The following DYNC1I1 variants were observed in gnomAD, a reference collection of about 807,000 sequenced individuals.
DYNC1I1 encodes the protein cytoplasmic dynein 1 intermediate chain 1.
DYNC1I1 carries 43 observed loss-of-function variants against 86.6 expected under a neutral mutation model. The ratio of observed to expected loss-of-function variants is 0.50; its 90% CI spans 0.39 to 0.64. The LOEUF is 0.64. Ranked by LOEUF, DYNC1I1 falls within the 30% of genes least tolerant of loss-of-function variation. The pLI is 0.00. For missense variants in DYNC1I1, 604 were observed against 788.8 expected (o/e 0.77, Z 2.81); for synonymous variants, 262 against 283.7 (o/e 0.92, Z 0.77).
At chr7:96,021,722 T>A (rs1362389692) in intron 10 of DYNC1I1, among the ~76,000 whole-genome samples, 1 of 152,200 alleles carries the variant, frequency 6.6e-6, no homozygotes, top group African/African-American at 2.4e-5. Context: ...ACTCAATGGA[T>A]TTGCCTATTC....
chr7:96,040,310 A>G (rs1216037165), intron 14 of DYNC1I1, among the ~76,000 whole-genome samples: 2 of 152,200 alleles, frequency 1.3e-5, no homozygotes, highest in East Asian at 3.9e-4. Flanking sequence ...GCAAGAAGAA[A>G]AGCTGAGACC....
chr7:95,984,927 T>G lies in DYNC1I1; in HGVS notation c.693T>G (p.Asp231Glu). The change falls in exon 8 of 17, where the codon GAT becomes GAG. Residue 231 changes from aspartate to glutamate, a missense_variant. Asp to Glu is a conservative substitution (Grantham distance 45, BLOSUM62 2). Coordinates refer to ENST00000447467, the MANE Select transcript of DYNC1I1 (RefSeq NM_001135556.2). ...IRVIERALAEDSDIFFDYSGR... is the reference protein window; with the variant it reads ...IRVIERALAEESDIFFDYSGR... ...TAATTGAAAGAGCCCTGGCTGAAGATTCCGACATCTTTTTTGACTACAGCG... is the reference window on the plus strand; with the variant it reads ...TAATTGAAAGAGCCCTGGCTGAAGAGTCCGACATCTTTTTTGACTACAGCG... 8.1e-6 allele frequency: 13 copies of G among 1,613,662 alleles called. No individual in the cohort carries two copies. Among genetic ancestry groups the G allele is most frequent in the Non-Finnish European group, 1.1e-5 (13 of 1,179,732 alleles).
intron 1 of DYNC1I1, among the ~76,000 whole-genome samples, chr7:95,781,552 G>A (rs1414440576): frequency 6.6e-6 from 1 of 152,144 alleles, no homozygotes; most frequent in Admixed American, 6.6e-5. Flanking sequence ...CCCTGACTGA[G>A]CCATTTTTCT....
At chr7:96,008,059 G>A (rs1794185444) in intron 10 of DYNC1I1, among the ~76,000 whole-genome samples, 1 of 152,190 alleles carries the variant, frequency 6.6e-6, no homozygotes, top group Non-Finnish European at 1.5e-5. Flanking sequence ...CTGATCTGAC[G>A]AGGGTGGGAT....
rs1029333730 is a variant in DYNC1I1 at position 95,977,585 on chromosome 7, A to G, written c.564A>G (p.Lys188=). The G allele has an allele frequency of 1.2e-6, 2 of 1,613,182 alleles. No individual in the cohort carries two copies. The highest frequency in any genetic ancestry group is 3.3e-5 in the Admixed American group (2 of 59,908). The change falls in exon 7 of 17, where the codon AAA becomes AAG. Residue 188 remains lysine, a synonymous_variant. Coordinates refer to ENST00000447467, the MANE Select transcript of DYNC1I1 (RefSeq NM_001135556.2). Reference sequence around the variant, plus strand: ...CAGAACTGGAAAATCAGGACAAAAAACAGGAAGTGAAGGAAGGTATGATAT... The same window carrying G: ...CAGAACTGGAAAATCAGGACAAAAAGCAGGAAGTGAAGGAAGGTATGATAT... The part of the protein sequence containing the change: ...QDSELENQDK[K]QEVKEAPPRE...
intron 10 of DYNC1I1, among the ~76,000 whole-genome samples, chr7:96,018,763 C>T (rs891199283): frequency 6.6e-6 from 1 of 152,178 alleles, no homozygotes; most frequent in East Asian, 1.9e-4. Flanking sequence ...GAATGGTATT[C>T]TAGCAGAGGG....
intron 5 of DYNC1I1, 41 bp downstream of exon 5, chr7:95,828,157 T>A: frequency 6.2e-7 from 1 of 1,608,660 alleles, no homozygotes; most frequent in Non-Finnish European, 8.5e-7. Flanking sequence ...ATTATTTCTT[T>A]GCTACAGTTG....
At chr7:95,813,444 G>A (rs907930682) in intron 4 of DYNC1I1, 107 bp downstream of exon 4, 3 of 1,353,056 alleles carry the variant, frequency 2.2e-6, no homozygotes, top group African/African-American at 3.0e-5. Context: ...GTATCTGCAT[G>A]TGTACTTGGA....
chr7:96,051,408 A>G (rs1362476994), intron 14 of DYNC1I1, among the ~76,000 whole-genome samples: 2 of 152,216 alleles, frequency 1.3e-5, no homozygotes, highest in South Asian at 4.1e-4. Context: ...CTGATCAGGT[A>G]TATGGCCTAA....
chr7:96,036,420 G>A (rs1244471604), intron 13 of DYNC1I1, among the ~76,000 whole-genome samples: 1 of 152,156 alleles, frequency 6.6e-6, no homozygotes, highest in Non-Finnish European at 1.5e-5. Flanking sequence ...ATATAGTTTA[G>A]GATGGTAAGT....
chr7:95,962,108 G>C (rs1008059344), intron 6 of DYNC1I1, among the ~76,000 whole-genome samples: 7 of 152,192 alleles, frequency 4.6e-5, no homozygotes, highest in Non-Finnish European at 4.4e-5. Flanking sequence ...CCTTTAAAGA[G>C]AGAAGCGTGA....
At chr7:96,100,851 T>C (rs1791125106), downstream of DYNC1I1, among the ~76,000 whole-genome samples, 1 of 152,064 alleles carries the variant, frequency 6.6e-6, no homozygotes, top group African/African-American at 2.4e-5. Flanking sequence ...ATGGGTATGT[T>C]AGAATAGATA....
intron 4 of DYNC1I1, among the ~76,000 whole-genome samples, chr7:95,813,876 T>C (rs986118907): frequency 2.0e-5 from 3 of 152,166 alleles, no homozygotes; most frequent in Admixed American, 2.0e-4. Context: ...GTTTAGTGAG[T>C]TCATTGCCAA....
intron 6 of DYNC1I1, among the ~76,000 whole-genome samples, chr7:95,887,563 A>G (rs1195284276): frequency 1.3e-5 from 2 of 152,118 alleles, no homozygotes; most frequent in Non-Finnish European, 2.9e-5. Context: ...TAGCATTTAT[A>G]TTTCCTATCA....
At chr7:95,914,614 A>G (rs538679535) in intron 6 of DYNC1I1, among the ~76,000 whole-genome samples, 1 of 152,348 alleles carries the variant, frequency 6.6e-6, no homozygotes, top group East Asian at 1.9e-4. Flanking sequence ...TGAAAATATC[A>G]TATGGTCAAA....
intron 7 of DYNC1I1, among the ~76,000 whole-genome samples, chr7:95,980,536 CTTTTTT>C (rs56835338): frequency 5.5e-5 from 3 of 54,428 alleles, no homozygotes; most frequent in Admixed American, 2.1e-4. Flanking sequence ...AGAAATCTGG[CTTTTTT>C]TTTTTTTTTT....
At position 95,823,952 on chromosome 7, in the gene DYNC1I1, C is replaced by CTATATATATATATATATATA. The variant is rs71127429; in HGVS notation, c.315-4097_315-4078dup. On this transcript the variant is annotated intron_variant, in intron 4 of 16. Coordinates refer to ENST00000447467, the MANE Select transcript of DYNC1I1 (RefSeq NM_001135556.2). ...TTACTTTCAGATTTGTTCTACTAAACTATATATATATATATATATATATAT... is the reference window on the plus strand; with the variant it reads ...TTACTTTCAGATTTGTTCTACTAAACTATATATATATATATATATATATATATATATATATATATATATAT... Among the ~76,000 whole-genome samples, 88 of 77,846 alleles carry CTATATATATATATATATATA rather than the reference C, an allele frequency of 1.1e-3. 1 individual carries two copies. The highest frequency in any genetic ancestry group is 2.9e-3 in the African/African-American group (44 of 15,100). The allele number at this position is 77,846 out of a possible 152,430, so 51.1% of individuals were successfully genotyped here.
chr7:95,816,937 C>A (rs1315089067), intron 4 of DYNC1I1, among the ~76,000 whole-genome samples: 1 of 152,122 alleles, frequency 6.6e-6, no homozygotes, highest in African/African-American at 2.4e-5. Context: ...TTGTCTGAAA[C>A]AGCTTACGCT....
intron 1 of DYNC1I1, among the ~76,000 whole-genome samples, chr7:95,799,418 A>T (rs1289865446): frequency 6.6e-6 from 1 of 152,140 alleles, no homozygotes; most frequent in Admixed American, 6.5e-5. Flanking sequence ...AGCCATTTGT[A>T]TAATGGAATA....
Sources: gnomAD v4.1 joint callset for allele counts (sites outside exome capture counted in the v4.1 genomes callset) on GRCh38, gnomAD v4.1.1 for gene constraint, MANE v1.5 for transcripts, NCBI Gene and HGNC (gene_info 2026-07-23, HGNC 2026-07-21) for gene names.